Variants in ADAMTS18 observed in about 807,000 individuals in gnomAD.
The protein encoded by ADAMTS18 is ADAM metallopeptidase with thrombospondin type 1 motif 18, also known as A disintegrin and metalloproteinase with thrombospondin motifs 18.
In ADAMTS18, 157 loss-of-function variants were observed where a neutral mutation model predicts 165.9. The ratio of observed to expected loss-of-function variants is 0.95; its 90% CI spans 0.83 to 1.08. The LOEUF is 1.08. Among genes scored for constraint, ADAMTS18 ranks in the 50% least tolerant of loss-of-function variants. The pLI, the probability that ADAMTS18 is intolerant of heterozygous loss-of-function variation, is 0.00. For missense variants in ADAMTS18, 2,040 were observed against 1,534.0 expected (o/e 1.33, Z -5.51); for synonymous variants, 782 against 578.2 (o/e 1.35, Z -5.06).
intron 16 of ADAMTS18, among the ~76,000 whole-genome samples, chr16:77,310,490 T>A (rs1019654694): frequency 6.6e-6 from 1 of 152,216 alleles, no homozygotes; most frequent in Non-Finnish European, 1.5e-5. Flanking sequence ...GCAACCTATA[T>A]CCCAGCTATT....
chr16:77,359,510 C>T, intron 7 of ADAMTS18, 87 bp from the exon 8 acceptor site: 1 of 1,110,484 alleles, frequency 9.0e-7, no homozygotes, highest in Non-Finnish European at 1.3e-6. Context: ...ATGTTCTACA[C>T]AGTTTTAGTT....
At chr16:77,404,311 C>A (rs2057367930) in intron 3 of ADAMTS18, among the ~76,000 whole-genome samples, 1 of 152,082 alleles carries the variant, frequency 6.6e-6, no homozygotes, top group Admixed American at 6.5e-5. Flanking sequence ...GGGCAACAAG[C>A]AAATAGATTT....
At chr16:77,291,027 C>A in intron 21 of ADAMTS18, 1 of 470,038 alleles carries the variant, frequency 2.1e-6, no homozygotes, top group Admixed American at 4.4e-5. Flanking sequence ...CATACATTTT[C>A]TGATGAACAA....
chr16:77,429,464 A>G (rs900748631), intron 3 of ADAMTS18, among the ~76,000 whole-genome samples: 1 of 152,222 alleles, frequency 6.6e-6, no homozygotes, highest in African/African-American at 2.4e-5. Flanking sequence ...ATAGAGGAAC[A>G]GAAAAGATAA....
intron 16 of ADAMTS18, among the ~76,000 whole-genome samples, chr16:77,316,957 A>G (rs920122749): frequency 6.6e-6 from 1 of 152,144 alleles, no homozygotes; most frequent in African/African-American, 2.4e-5. Flanking sequence ...GTGAGCCACC[A>G]TACCCAGCCC....
chr16:77,367,239 C>T (rs369437355), intron 4 of ADAMTS18, among the ~76,000 whole-genome samples: 1 of 152,200 alleles, frequency 6.6e-6, no homozygotes, highest in African/African-American at 2.4e-5. Context: ...AAAAAAGAAA[C>T]CTTATCTAAA....
chr16:77,307,034 G>C (rs896358837), intron 16 of ADAMTS18, among the ~76,000 whole-genome samples: 1 of 152,176 alleles, frequency 6.6e-6, no homozygotes, highest in Non-Finnish European at 1.5e-5. Flanking sequence ...CATTTACTTT[G>C]TGACACTGGG....
intron 3 of ADAMTS18, among the ~76,000 whole-genome samples, chr16:77,420,628 C>A (rs866047406): frequency 6.6e-6 from 1 of 152,320 alleles, no homozygotes; most frequent in African/African-American, 2.4e-5. Context: ...CGGAATTCAT[C>A]CTACTTCAAT....
intron 13 of ADAMTS18, 107 bp from the exon 14 acceptor site, chr16:77,322,573 A>AGCTACCTGGG: frequency 7.2e-7 from 1 of 1,381,428 alleles, no homozygotes. Flanking sequence ...TATCATGATG[A>AGCTACCTGGG]ATATGGAAAA....
intron 21 of ADAMTS18, among the ~76,000 whole-genome samples, chr16:77,290,324 T>C (rs1360546688): frequency 6.6e-6 from 1 of 152,202 alleles, no homozygotes; most frequent in Non-Finnish European, 1.5e-5. Flanking sequence ...TGAACATGGC[T>C]ACATTCCAGT....
intron 20 of ADAMTS18, 36 bp from the exon 21 acceptor site, chr16:77,291,514 T>C: frequency 1.3e-6 from 2 of 1,599,218 alleles, no homozygotes; most frequent in African/African-American, 1.3e-5. Flanking sequence ...AAGTGAAGAC[T>C]GCCAGGATCA....
intron 22 of ADAMTS18, 141 bp downstream of exon 22, chr16:77,289,123 A>G: frequency 9.5e-7 from 1 of 1,055,776 alleles, no homozygotes; most frequent in Non-Finnish European, 1.4e-6. Context: ...ATACAACTCC[A>G]GGGAGCACTG....
chr16:77,413,112 C>T (rs2057486402), intron 3 of ADAMTS18, among the ~76,000 whole-genome samples: 1 of 152,136 alleles, frequency 6.6e-6, no homozygotes, highest in African/African-American at 2.4e-5. Flanking sequence ...CATTCATGCT[C>T]ATCCTAGCAA....
Position 77,434,755 on chromosome 16 carries a change from G to T in ADAMTS18, c.-60C>A. ...GACGCGGCAGGCGGAGCGCACGGGCGGCGCGCATTCTTTCCGCGGCCCCGG... is the reference window on the plus strand; with the variant it reads ...GACGCGGCAGGCGGAGCGCACGGGCTGCGCGCATTCTTTCCGCGGCCCCGG... On this transcript the variant is annotated 5_prime_UTR_variant, in exon 1 of 23. Transcript: ENST00000282849. 3 of 1,326,430 alleles carry T rather than the reference G, an allele frequency of 2.3e-6. No individual in the cohort carries two copies. Among genetic ancestry groups the T allele is most frequent in the South Asian group, 3.5e-5 (2 of 57,090 alleles). The allele number at this position is 1,326,430 out of a possible 1,614,324, so 82.2% of individuals were successfully genotyped here. A position where few individuals can be genotyped will look rare whatever the true frequency, so the allele number is the denominator to read the frequency against.
intron 3 of ADAMTS18, among the ~76,000 whole-genome samples, chr16:77,425,546 C>T (rs1006079150): frequency 6.6e-6 from 1 of 152,214 alleles, no homozygotes. Context: ...ATATGACTGA[C>T]ACTTTTTGCA....
rs775958686 is a variant in ADAMTS18 at position 77,367,519 on chromosome 16, G to A, written c.700C>T (p.His234Tyr). ...TCTGTCTCTCGACTCTGAGATGCAT[G>A]GGGAATGTGACTTGGGGAGTAACCA... The part of the protein sequence containing the change: ...YPGYSPSHIP[H>Y]ASQSRETEYH... Residue 234 changes from histidine to tyrosine, a missense_variant, in exon 4 of 23, where the codon CAT (histidine) becomes TAT (tyrosine). Transcript: ENST00000282849. 1 of 1,614,218 alleles carries A rather than the reference G, an allele frequency of 6.2e-7. No homozygotes were observed. Among genetic ancestry groups the A allele is most frequent in the East Asian group, 2.2e-5 (1 of 44,880 alleles).
At chr16:77,379,713 A>G (rs1244458517) in intron 3 of ADAMTS18, among the ~76,000 whole-genome samples, 1 of 152,062 alleles carries the variant, frequency 6.6e-6, no homozygotes, top group African/African-American at 2.4e-5. Context: ...GTGATCTCAA[A>G]TTCCTGACCT....
At chr16:77,329,962 T>C (rs990181028) in intron 12 of ADAMTS18, among the ~76,000 whole-genome samples, 4 of 152,200 alleles carry the variant, frequency 2.6e-5, no homozygotes, top group African/African-American at 7.2e-5. Context: ...GTTACAATGG[T>C]GTTGCTTGGA....
At chr16:77,297,475 T>G in intron 17 of ADAMTS18, 60 bp from the exon 18 acceptor site, 1 of 1,506,748 alleles carries the variant, frequency 6.6e-7, no homozygotes, top group Non-Finnish European at 9.2e-7. Flanking sequence ...AATTTGGTTC[T>G]AAGTTTAGCT....
Sources: gnomAD v4.1 joint callset for allele counts (sites outside exome capture counted in the v4.1 genomes callset) on GRCh38, gnomAD v4.1.1 for gene constraint, MANE v1.5 for transcripts, NCBI Gene and HGNC (gene_info 2026-07-23, HGNC 2026-07-21) for gene names.